Variants in SETBP1 observed in about 807,000 individuals in gnomAD.
SETBP1 encodes SET-binding protein.
In SETBP1, 9 loss-of-function variants were observed where a neutral mutation model predicts 101.0. The observed-to-expected ratio is 0.09, with a 90% CI of 0.05 to 0.16. The LOEUF (loss-of-function observed/expected upper bound fraction) is 0.16. Among genes scored for constraint, SETBP1 ranks in the 10% least tolerant of loss-of-function variants. The pLI is 1.00. For synonymous variants in SETBP1, 818 were observed against 788.5 expected (o/e 1.04, Z -0.63); for missense variants, 1,858 against 2,033.8 (o/e 0.91, Z 1.66).
intron 4 of SETBP1, among the ~76,000 whole-genome samples, chr18:44,974,240 AT>A: frequency 6.6e-6 from 1 of 152,354 alleles, no homozygotes; most frequent in East Asian, 1.9e-4. Context: ...TTTAAGTGGC[AT>A]TGCTTTAGAA....
intron 4 of SETBP1, among the ~76,000 whole-genome samples, chr18:44,966,243 C>T (rs2071718324): frequency 6.6e-6 from 1 of 152,212 alleles, no homozygotes; most frequent in East Asian, 1.9e-4. Flanking sequence ...TTGCTGGTCT[C>T]ACCTTGTTTC....
chr18:44,862,518 C>T (rs952262724), intron 2 of SETBP1, among the ~76,000 whole-genome samples: 2 of 152,208 alleles, frequency 1.3e-5, no homozygotes, highest in Non-Finnish European at 2.9e-5. Context: ...CGTCCACTGC[C>T]ACCCCCACCC....
At chr18:44,800,453 C>T (rs912185509) in intron 2 of SETBP1, among the ~76,000 whole-genome samples, 5 of 152,148 alleles carry the variant, frequency 3.3e-5, no homozygotes, top group South Asian at 2.1e-4. Context: ...GGTGGCCTTC[C>T]GAGCACGGAT....
intron 3 of SETBP1, among the ~76,000 whole-genome samples, chr18:44,936,980 C>G (rs2070972266): frequency 6.6e-6 from 1 of 152,092 alleles, no homozygotes; most frequent in South Asian, 2.1e-4. Flanking sequence ...ATGAGGTACT[C>G]CCTGGTTAAT....
intron 4 of SETBP1, among the ~76,000 whole-genome samples, chr18:44,990,594 AAAACAAAC>A (rs140417562): frequency 2.0e-4 from 30 of 150,620 alleles, no homozygotes; most frequent in East Asian, 7.9e-4. Flanking sequence ...CTTGTCTCAA[AAAACAAAC>A]AAACAAACAA....
At chr18:44,695,772 G>C (rs1010734655) in intron 1 of SETBP1, among the ~76,000 whole-genome samples, 1 of 152,130 alleles carries the variant, frequency 6.6e-6, no homozygotes. Flanking sequence ...TTGTAATAAG[G>C]AGCATGGAGT....
In SETBP1 at chr18:45,025,657, C is replaced by A. The variant is rs1395264581; in HGVS notation, c.4001-12828C>A. Among the ~76,000 whole-genome samples, 3 of 152,040 alleles carry A rather than the reference C, an allele frequency of 2.0e-5. No homozygotes were observed. The East Asian group carries it at 5.8e-4, about 29-fold the overall frequency. ...AGTAGGTGGTTTGAAGAAAGGACAC[C>A]CAATAAAGCACTTAAAACAATGCAA... is the stretch of plus-strand genomic sequence containing the variant. On this transcript the variant is annotated intron_variant, in intron 4 of 5. Coordinates refer to ENST00000649279, the MANE Select transcript of SETBP1 (RefSeq NM_015559.3).
intron 4 of SETBP1, among the ~76,000 whole-genome samples, chr18:45,035,454 C>T (rs1488612488): frequency 6.6e-6 from 1 of 152,124 alleles, no homozygotes; most frequent in African/African-American, 2.4e-5. Flanking sequence ...TATTCTGTAA[C>T]ATGAACACTT....
At chr18:44,739,257 T>C (rs1454960479) in intron 2 of SETBP1, among the ~76,000 whole-genome samples, 2 of 152,222 alleles carry the variant, frequency 1.3e-5, no homozygotes, top group Non-Finnish European at 2.9e-5. Context: ...CTTTGCCATC[T>C]AATATATTCA....
chr18:44,838,166 T>G lies in SETBP1; in HGVS notation c.487-31064T>G, dbSNP rs139208570. Among the ~76,000 whole-genome samples, 13 of 152,316 alleles carry G rather than the reference T, an allele frequency of 8.5e-5. No homozygotes were observed. In the East Asian group the frequency reaches 2.1e-3, roughly 25 times the overall value. ...GCTTCCTCAGTCACTTCTAAAACAT[T>G]TTGTGAGCCACATTTAACACCCAGC... On this transcript the variant is annotated intron_variant, in intron 2 of 5. Transcript: ENST00000649279.
chr18:44,904,926 G>A (rs1258068693), intron 3 of SETBP1, among the ~76,000 whole-genome samples: 1 of 152,126 alleles, frequency 6.6e-6, no homozygotes, highest in African/African-American at 2.4e-5. Flanking sequence ...ACTATCTCTG[G>A]TGGCCACATC....
chr18:44,910,879 G>C (rs897115100), intron 3 of SETBP1, among the ~76,000 whole-genome samples: 8 of 152,050 alleles, frequency 5.3e-5, no homozygotes, highest in African/African-American at 1.9e-4. Flanking sequence ...GTTGCCCCCT[G>C]CCCCTCACAC....
chr18:44,985,729 CTG>C (rs754695519), intron 4 of SETBP1, among the ~76,000 whole-genome samples: 3 of 152,184 alleles, frequency 2.0e-5, no homozygotes, highest in Non-Finnish European at 4.4e-5. Flanking sequence ...TACTTGTAAT[CTG>C]CTTTTAGGGC....
At chr18:44,768,157 T>C (rs1287826813) in intron 2 of SETBP1, among the ~76,000 whole-genome samples, 1 of 152,132 alleles carries the variant, frequency 6.6e-6, no homozygotes, top group Non-Finnish European at 1.5e-5. Flanking sequence ...CTGGTGGTCT[T>C]TAAGGTGTGA....
At chr18:44,996,037 G>A (rs745921285) in intron 4 of SETBP1, among the ~76,000 whole-genome samples, 1 of 152,168 alleles carries the variant, frequency 6.6e-6, no homozygotes, top group Non-Finnish European at 1.5e-5. Flanking sequence ...AATTTCAACA[G>A]GTCCACAGTG....
intron 4 of SETBP1, among the ~76,000 whole-genome samples, chr18:44,953,701 T>A (rs1246870611): frequency 1.3e-5 from 2 of 152,164 alleles, no homozygotes; most frequent in Non-Finnish European, 2.9e-5. Flanking sequence ...TAAAACTCAT[T>A]AGGAATACTA....
intron 2 of SETBP1, among the ~76,000 whole-genome samples, chr18:44,731,563 AT>A (rs1320587505): frequency 1.3e-5 from 2 of 152,192 alleles, no homozygotes; most frequent in Non-Finnish European, 2.9e-5. Context: ...ATAGTTTTAT[AT>A]TTTATTCTAC....
intron 5 of SETBP1, among the ~76,000 whole-genome samples, chr18:45,060,447 T>C (rs558397342): frequency 6.6e-6 from 1 of 152,012 alleles, no homozygotes; most frequent in South Asian, 2.1e-4. Flanking sequence ...CTCATATATA[T>C]GCAACAAAAG....
chr18:44,896,561 C>G (rs1301712574), intron 3 of SETBP1, among the ~76,000 whole-genome samples: 1 of 152,112 alleles, frequency 6.6e-6, no homozygotes. Flanking sequence ...GGTGCCATCT[C>G]GGCTCACTAC....
Sources: allele counts gnomAD v4.1 joint callset (sites outside exome capture counted in the v4.1 genomes callset), GRCh38; gene constraint gnomAD v4.1.1; transcripts MANE v1.5; gene names NCBI Gene and HGNC (gene_info 2026-07-23, HGNC 2026-07-21).